Variants in CD5 observed in about 807,000 individuals in gnomAD.
The protein encoded by CD5 is CD5 molecule, also known as T-cell surface glycoprotein CD5.
Under a neutral mutation model 60.3 loss-of-function variants are expected in CD5, and 36 were observed. That is an observed-to-expected ratio of 0.60 (90% CI 0.46 to 0.79). CD5 has a LOEUF of 0.79. Ranked by LOEUF, CD5 falls within the 30% of genes least tolerant of loss-of-function variation. CD5 has a pLI of 0.00. For synonymous variants in CD5, 230 were observed against 257.6 expected (o/e 0.89, Z 1.03); for missense variants, 540 against 630.6 (o/e 0.86, Z 1.54).
In CD5 at chr11:61,121,761, A is replaced by G; in HGVS notation, c.956A>G (p.Gln319Arg). 6.2e-7 allele frequency: 1 copy of G among 1,612,496 alleles called. No individual in the cohort carries two copies. The highest frequency in any genetic ancestry group is 1.1e-5 in the South Asian group (1 of 90,930). Reference protein sequence around the residue: ...SLRWEEVCREQQCGSVNSYRV... With the variant: ...SLRWEEVCRERQCGSVNSYRV... ...CGGTGGGAGGAGGTGTGCCGGGAGC[A>G]GCAGTGTGGCAGCGTCAACTCCTAT... Residue 319 changes from glutamine (Q) to arginine (R), a missense_variant, in exon 6 of 11, where the codon CAG becomes CGG. Physicochemically the swap from Gln to Arg is conservative, Grantham distance 43 (BLOSUM62 1). Coordinates refer to ENST00000347785, the MANE Select transcript of CD5 (RefSeq NM_014207.4).
chr11:61,124,574 C>T (rs1444904547), intron 8 of CD5, among the ~76,000 whole-genome samples: 2 of 152,182 alleles, frequency 1.3e-5, no homozygotes, highest in African/African-American at 4.8e-5. Flanking sequence ...AGACATGGCG[C>T]TCTTCCTGCC....
upstream of CD5, chr11:61,102,279 G>T: frequency 2.0e-6 from 1 of 507,096 alleles, no homozygotes; most frequent in South Asian, 2.1e-5. Flanking sequence ...TGTCCTGTGT[G>T]GGGGTGGCCG....
Position 61,118,585 on chromosome 11 carries a change from T to G in CD5, c.400+105T>G, listed in dbSNP as rs1590772697. 8.3e-7 allele frequency: 1 copy of G among 1,205,956 alleles called. No individual in the cohort carries two copies. Among genetic ancestry groups the G allele is most frequent in the Non-Finnish European group, 1.2e-6 (1 of 856,000 alleles). 74.7% of individuals were successfully genotyped at this position (1,205,956 alleles called of 1,614,324 possible). A position where few individuals can be genotyped will look rare whatever the true frequency, so the allele number is the denominator to read the frequency against. The stretch of plus-strand genomic sequence containing the variant: ...GGTCTGAGCAGGCTGGTGGAAGGGG[T>G]GGGGGGACCCCAGTTTATAACCACT... On this transcript the variant is annotated intron_variant, in intron 3 of 10. Transcript: ENST00000347785. The surrounding 1 kb of genome is among the most constrained non-coding windows in gnomAD (Gnocchi z 4.7).
At chr11:61,124,953 T>G in intron 8 of CD5, 79 bp from the exon 9 acceptor site, 1 of 1,582,652 alleles carries the variant, frequency 6.3e-7, no homozygotes, top group Non-Finnish European at 8.7e-7. Flanking sequence ...AATAGGAGAT[T>G]AAAGTTCTGG....
upstream of CD5, among the ~76,000 whole-genome samples, chr11:61,098,958 A>G (rs1214984538): frequency 6.6e-6 from 1 of 152,010 alleles, no homozygotes; most frequent in African/African-American, 2.4e-5. Flanking sequence ...ACTACTTCCT[A>G]CCTGCCTGGG....
chr11:61,119,133 T>C, intron 4 of CD5, 101 bp from the exon 5 acceptor site: 3 of 1,243,686 alleles, frequency 2.4e-6, no homozygotes, highest in Non-Finnish European at 3.4e-6. Flanking sequence ...AGGCTAAGCG[T>C]TAGTCAGTAG....
upstream of CD5, among the ~76,000 whole-genome samples, chr11:61,097,975 C>A (rs1860605821): frequency 6.6e-6 from 1 of 152,200 alleles, no homozygotes; most frequent in African/African-American, 2.4e-5. Context: ...TTGCTAGCAG[C>A]TGAAGGAGGG....
At chr11:61,104,092 A>T (rs1323559954) in intron 1 of CD5, among the ~76,000 whole-genome samples, 1 of 128,944 alleles carries the variant, frequency 7.8e-6, no homozygotes, top group Admixed American at 8.3e-5. Context: ...GTCTCTGGGC[A>T]TGTGTGTGAG....
intron 1 of CD5, among the ~76,000 whole-genome samples, chr11:61,105,253 C>T (rs750455761): frequency 9.2e-5 from 14 of 152,228 alleles, no homozygotes; most frequent in Non-Finnish European, 1.6e-4. Context: ...GGGGAAGCGG[C>T]TCTAACACAA....
In CD5 at chr11:61,119,561, C is replaced by T; in HGVS notation, c.791C>T (p.Ala264Val). The T allele has an allele frequency of 6.2e-7, 1 of 1,609,300 alleles. No individual in the cohort carries two copies. The highest frequency in any genetic ancestry group is 8.5e-7 in the Non-Finnish European group (1 of 1,178,618). Residue 264 changes from alanine to valine, a missense_variant, in exon 5 of 11, where the codon GCC (alanine) becomes GTC (valine). By Grantham distance (64) the Ala-to-Val change is moderately conservative. Transcript: ENST00000347785. The part of the protein sequence containing the change: ...IKPQKSGRVL[A>V]LLCSGFQPKV... ...CCCCAGAAAAGTGGCCGAGTTCTTGCCCTCCTTTGCTCAGGTAAGTGAGAC... is the reference window on the plus strand; with the variant it reads ...CCCCAGAAAAGTGGCCGAGTTCTTGTCCTCCTTTGCTCAGGTAAGTGAGAC...
intron 6 of CD5, among the ~76,000 whole-genome samples, chr11:61,122,545 C>G (rs141254716): frequency 2.6e-5 from 4 of 152,142 alleles, no homozygotes; most frequent in Middle Eastern, 3.4e-3. Flanking sequence ...ATGGATGGAT[C>G]AAGAATAGAG....
At position 61,127,659 on chromosome 11, in the gene CD5, G is replaced by C. The variant is rs527370686; in HGVS notation, c.*1374G>C. On this transcript the variant is annotated 3_prime_UTR_variant, in exon 11 of 11. Transcript: ENST00000347785. ...GTCTTCCCATATCTGGTGGAGGTGA[G>C]GGGGCTCCTCAAAAGGGAACTGAGA... The C allele has an allele frequency of 1.3e-5, 2 of 152,302 alleles. No homozygotes were observed. Among genetic ancestry groups the C allele is most frequent in the Admixed American group, 1.3e-4 (2 of 15,298 alleles). The allele number at this position is 152,302 out of a possible 1,614,324, so 9.4% of individuals were successfully genotyped here.
At chr11:61,117,497 T>G (rs1007209413) in intron 2 of CD5, among the ~76,000 whole-genome samples, 1 of 152,106 alleles carries the variant, frequency 6.6e-6, no homozygotes, top group African/African-American at 2.4e-5. Flanking sequence ...CAATAAAATT[T>G]TTTTTTTTTG....
rs769033027 is a variant in CD5 at position 61,119,283 on chromosome 11, C to G, written c.513C>G (p.Ala171=). 1 of 1,613,146 alleles carries G rather than the reference C, an allele frequency of 6.2e-7. No individual in the cohort carries two copies. Among genetic ancestry groups the G allele is most frequent in the Admixed American group, 1.7e-5 (1 of 59,998 alleles). Reference sequence around the variant, plus strand: ...CACAGTCTGGCGGCCAGCACTGTGCCGGCGTGGTGGAGTTCTACAGCGGCA... The same window carrying G: ...CACAGTCTGGCGGCCAGCACTGTGCGGGCGTGGTGGAGTTCTACAGCGGCA... ...LVAQSGGQHC[A]GVVEFYSGSL... is the part of the protein sequence containing the mutation. The change falls in exon 5 of 11, where the codon GCC becomes GCG. Residue 171 remains alanine (A), a synonymous_variant. Coordinates refer to ENST00000347785, the MANE Select transcript of CD5 (RefSeq NM_014207.4).
At chr11:61,098,880 G>T (rs1449639286), upstream of CD5, among the ~76,000 whole-genome samples, 1 of 152,202 alleles carries the variant, frequency 6.6e-6, no homozygotes, top group Non-Finnish European at 1.5e-5. Context: ...CACTGAGCCA[G>T]CCTCTCCAGC....
In CD5 at chr11:61,123,887, G is replaced by A. The variant is rs369459818; in HGVS notation, c.1229G>A (p.Arg410His). The A allele has an allele frequency of 2.1e-5, 31 of 1,470,170 alleles. No individual in the cohort carries two copies. Among genetic ancestry groups the A allele is most frequent in the African/African-American group, 4.5e-5 (3 of 67,398 alleles). 91.1% of individuals were successfully genotyped at this position (1,470,170 alleles called of 1,614,324 possible). ...LAYKKLVKKF[R>H]QKKQRQWIGP... ...GCCTTTCTTGTCTCTTGCCCAGTCC[G>A]CCAGAAGAAGCAGCGCCAGTGGATT... Residue 410 changes from arginine to histidine, a missense_variant, in exon 8 of 11, where the codon CGC (arginine) becomes CAC (histidine). Arg to His is a conservative substitution (Grantham distance 29). Coordinates refer to ENST00000347785, the MANE Select transcript of CD5 (RefSeq NM_014207.4).
At chr11:61,099,514 T>TCAACATGGAGATCACACACACA (rs1253640589), upstream of CD5, among the ~76,000 whole-genome samples, 401 of 113,986 alleles carry the variant, frequency 3.5e-3, no homozygotes, top group African/African-American at 0.014. Context: ...CACACACACA[T>TCAACATGGAGATCACACACACA]CAACATGGAG....
At chr11:61,094,654 C>A in the CD5 span, among the ~76,000 whole-genome samples, 1 of 152,088 alleles carries the variant, frequency 6.6e-6, no homozygotes, top group Non-Finnish European at 1.5e-5. Flanking sequence ...TGTGTGTGCC[C>A]TTTTTACCCG....
chr11:61,122,071 C>T (rs1490643357), intron 6 of CD5, among the ~76,000 whole-genome samples, 167 bp downstream of exon 6: 10 of 152,126 alleles, frequency 6.6e-5, no homozygotes, highest in Non-Finnish European at 1.3e-4. Flanking sequence ...AGCAAGAGTA[C>T]TCAGACAGCA....
Sources: allele counts gnomAD v4.1 joint callset (sites outside exome capture counted in the v4.1 genomes callset), GRCh38; gene constraint gnomAD v4.1.1; non-coding constraint Gnocchi (gnomAD v3.1); transcripts MANE v1.5; gene names NCBI Gene and HGNC (gene_info 2026-07-23, HGNC 2026-07-21).